RAPGEF5: variants seen among roughly 807,000 people sequenced by gnomAD.
RAPGEF5 encodes the protein Rap guanine nucleotide exchange factor 5.
In RAPGEF5, 65 loss-of-function variants were observed where a neutral mutation model predicts 125.2. The observed-to-expected ratio is 0.52, with a 90% confidence interval of 0.43 to 0.64. The LOEUF is 0.64. Among genes scored for constraint, RAPGEF5 ranks in the 30% least tolerant of loss-of-function variants. RAPGEF5 has a pLI of 0.00. For missense variants in RAPGEF5, 958 were observed against 1,048.1 expected (o/e 0.91, Z 1.19); for synonymous variants, 391 against 385.9 (o/e 1.01, Z -0.16).
intron 20 of RAPGEF5, among the ~76,000 whole-genome samples, chr7:22,143,988 T>C (rs1022599939): frequency 4.6e-5 from 7 of 152,208 alleles, no homozygotes; most frequent in Non-Finnish European, 1.0e-4. Context: ...TTGAAAACTG[T>C]TTGATATAAA....
chr7:22,217,252 A>G (rs761672378), intron 9 of RAPGEF5, among the ~76,000 whole-genome samples: 4 of 152,240 alleles, frequency 2.6e-5, no homozygotes, highest in Non-Finnish European at 4.4e-5. Context: ...TTGTTATAAC[A>G]AGAAGAGGAA....
intron 11 of RAPGEF5, among the ~76,000 whole-genome samples, chr7:22,191,021 C>T (rs1018460792): frequency 3.9e-5 from 6 of 152,122 alleles, no homozygotes; most frequent in Admixed American, 3.9e-4. Context: ...TCCATCTGTC[C>T]TCCATATGGT....
intron 7 of RAPGEF5, among the ~76,000 whole-genome samples, chr7:22,253,490 G>A (rs796662516): frequency 4.4e-4 from 67 of 152,286 alleles, no homozygotes; most frequent in African/African-American, 1.5e-3. Context: ...GGAAATGTAC[G>A]TGGTTGAAAA....
At chr7:22,191,508 G>A (rs1784995526) in intron 11 of RAPGEF5, 2 of 467,712 alleles carry the variant, frequency 4.3e-6, no homozygotes, top group Admixed American at 4.7e-5. Context: ...GCAGGAATTA[G>A]GTGAGGTGAC....
At chr7:22,201,943 A>C (rs1785287798) in intron 9 of RAPGEF5, among the ~76,000 whole-genome samples, 1 of 152,196 alleles carries the variant, frequency 6.6e-6, no homozygotes, top group Non-Finnish European at 1.5e-5. Flanking sequence ...TTACATCCAG[A>C]ACAATGTCTG....
At chr7:22,356,224 T>C (rs1434374363) in intron 1 of RAPGEF5, 4 of 985,232 alleles carry the variant, frequency 4.1e-6, no homozygotes, top group Non-Finnish European at 4.8e-6. Context: ...GAAGTCAATA[T>C]TGAAGGTTCT....
chr7:22,156,470 G>C (rs1001826031), intron 16 of RAPGEF5, among the ~76,000 whole-genome samples: 8 of 152,140 alleles, frequency 5.3e-5, no homozygotes, highest in Admixed American at 2.6e-4. Flanking sequence ...CATAGACAAT[G>C]GGCTGATGAA....
intron 6 of RAPGEF5, among the ~76,000 whole-genome samples, chr7:22,284,093 G>A (rs531785768): frequency 8.2e-4 from 123 of 150,430 alleles, no homozygotes; most frequent in Middle Eastern, 3.4e-3. Context: ...GTGTGTGCGC[G>A]TGCATGTGGC....
chr7:22,274,182 CCTT>C (rs1158280069), intron 6 of RAPGEF5, among the ~76,000 whole-genome samples: 1 of 152,100 alleles, frequency 6.6e-6, no homozygotes, highest in East Asian at 1.9e-4. Context: ...ACCCTCTTGA[CCTT>C]CTTCTCTTTC....
chr7:22,341,197 C>T (rs1367426821), intron 1 of RAPGEF5, among the ~76,000 whole-genome samples: 1 of 152,212 alleles, frequency 6.6e-6, no homozygotes, highest in Admixed American at 6.5e-5. Context: ...GTGAAAGGCA[C>T]ATCTCACATG....
At chr7:22,331,465 G>A (rs540469545) in intron 1 of RAPGEF5, among the ~76,000 whole-genome samples, 1 of 152,266 alleles carries the variant, frequency 6.6e-6, no homozygotes, top group African/African-American at 2.4e-5. Context: ...CAGGAGGTGG[G>A]CCAAGCACGG....
chr7:22,149,983 T>A (rs998194599), intron 18 of RAPGEF5, among the ~76,000 whole-genome samples: 8 of 152,014 alleles, frequency 5.3e-5, no homozygotes, highest in Admixed American at 3.3e-4. Context: ...TACTTGGGAA[T>A]TGTATCATTG....
At chr7:22,304,313 A>G (rs1177155887) in intron 5 of RAPGEF5, among the ~76,000 whole-genome samples, 1 of 152,220 alleles carries the variant, frequency 6.6e-6, no homozygotes, top group Non-Finnish European at 1.5e-5. Flanking sequence ...TGAGTCAGTT[A>G]CTACTCCCAA....
intron 20 of RAPGEF5, among the ~76,000 whole-genome samples, chr7:22,141,581 C>T (rs1783262241): frequency 6.6e-6 from 1 of 152,198 alleles, no homozygotes; most frequent in Non-Finnish European, 1.5e-5. Flanking sequence ...AAGGCTCAGG[C>T]CTGGGGGCAT....
chr7:22,191,318 T>A (rs1285417411), intron 11 of RAPGEF5: 3 of 246,990 alleles, frequency 1.2e-5, no homozygotes, highest in African/African-American at 6.5e-5. Flanking sequence ...TTGGAAGAGC[T>A]ACACTGACTT....
At chr7:22,344,674 G>A (rs1259488997) in intron 1 of RAPGEF5, among the ~76,000 whole-genome samples, 1 of 152,232 alleles carries the variant, frequency 6.6e-6, no homozygotes, top group Non-Finnish European at 1.5e-5. Context: ...GACCAGAACA[G>A]GGAAGGGCAG....
intron 17 of RAPGEF5, among the ~76,000 whole-genome samples, chr7:22,153,961 T>C (rs576474793): frequency 6.6e-6 from 1 of 152,270 alleles, no homozygotes; most frequent in East Asian, 1.9e-4. Flanking sequence ...AAGGAGAAGT[T>C]GTAACCAGGC....
chr7:22,209,859 C>T (rs1785471162), intron 9 of RAPGEF5, among the ~76,000 whole-genome samples: 1 of 152,178 alleles, frequency 6.6e-6, no homozygotes. Context: ...TAAAGAATTA[C>T]ACTTTTTGTT....
chr7:22,193,085 T>A (rs1785045026), intron 11 of RAPGEF5: 1 of 506,156 alleles, frequency 2.0e-6, no homozygotes, highest in Non-Finnish European at 3.5e-6. Context: ...TCTTGCCAAC[T>A]GCCTTTAGGT....
Sources: gnomAD v4.1 joint callset for allele counts (sites outside exome capture counted in the v4.1 genomes callset) on GRCh38, gnomAD v4.1.1 for gene constraint, MANE v1.5 for transcripts, NCBI Gene and HGNC (gene_info 2026-07-23, HGNC 2026-07-21) for gene names.